Variants in ARHGAP35 observed in about 807,000 individuals in gnomAD.
The protein encoded by ARHGAP35 is Rho GTPase activating protein 35, also known as rho GTPase-activating protein 35.
In ARHGAP35, 15 loss-of-function variants were observed where a neutral mutation model predicts 111.1. The observed-to-expected ratio is 0.13, with a 90% CI of 0.09 to 0.21. ARHGAP35 has a LOEUF of 0.21. Ranked by LOEUF, ARHGAP35 falls within the 10% of genes least tolerant of loss-of-function variation. The probability of loss-of-function intolerance (pLI) is 1.00; values close to 1 mark genes in which losing one functional copy is unlikely to be tolerated. For synonymous variants in ARHGAP35, 643 were observed against 710.3 expected (o/e 0.91, Z 1.51); for missense variants, 1,262 against 1,873.0 (o/e 0.67, Z 6.02).
At chr19:46,861,294 G>T (rs1041638188) in intron 1 of ARHGAP35, among the ~76,000 whole-genome samples, 85 bp downstream of exon 1, 2 of 150,686 alleles carry the variant, frequency 1.3e-5, no homozygotes, top group African/African-American at 4.9e-5. Context: ...GGACGGCGGG[G>T]CCCGGAGCCC....
intron 1 of ARHGAP35, among the ~76,000 whole-genome samples, chr19:46,871,569 C>T (rs1320224846): frequency 6.6e-6 from 1 of 151,928 alleles, no homozygotes; most frequent in Admixed American, 6.6e-5. Flanking sequence ...TCTTGAACTC[C>T]TGACCTCATG....
intron 2 of ARHGAP35, 48 bp from the exon 3 acceptor site, chr19:46,937,216 G>A (rs775375244): frequency 2.3e-5 from 37 of 1,609,112 alleles, no homozygotes; most frequent in Non-Finnish European, 2.9e-5. Context: ...TAAGTTACAT[G>A]TTGATACTCA....
chr19:46,926,974 G>A lies in ARHGAP35; in HGVS notation c.3681+4618G>A, dbSNP rs182609754. 3.3e-5 allele frequency among the ~76,000 whole-genome samples: 5 copies of A among 152,320 alleles called. No homozygotes were observed. The highest frequency in any genetic ancestry group is 1.9e-4 in the East Asian group (1 of 5,186). On this transcript the variant is annotated intron_variant, in intron 2 of 6. Coordinates refer to ENST00000672722, the MANE Select transcript of ARHGAP35 (RefSeq NM_004491.5). This position sits in a 1 kb window ranked among gnomAD's most constrained non-coding sequence, Gnocchi z 4.1. ...GAGTTTTGACAGACAAGCTGAATGCGATGAAATATGAGCTCTTTGTAACCT... is the reference window on the plus strand; with the variant it reads ...GAGTTTTGACAGACAAGCTGAATGCAATGAAATATGAGCTCTTTGTAACCT...
intron 3 of ARHGAP35, among the ~76,000 whole-genome samples, chr19:46,939,413 A>AT (rs2056331753): frequency 6.9e-6 from 1 of 144,518 alleles, no homozygotes; most frequent in African/African-American, 2.6e-5. Flanking sequence ...TTATTTATTT[A>AT]TTATTTAATT....
intron 1 of ARHGAP35, among the ~76,000 whole-genome samples, chr19:46,879,281 C>T (rs1599795630): frequency 6.6e-6 from 1 of 151,884 alleles, no homozygotes; most frequent in East Asian, 1.9e-4. Context: ...ATGGAGAAAC[C>T]GTGTCTCTAC....
intron 1 of ARHGAP35, among the ~76,000 whole-genome samples, chr19:46,863,462 T>C (rs1262825688): frequency 2.0e-5 from 3 of 152,212 alleles, no homozygotes; most frequent in Non-Finnish European, 2.9e-5. Context: ...TTTCCTCTGC[T>C]GTTTGCTCTC....
chr19:46,958,363 C>T (rs887836591), intron 3 of ARHGAP35, among the ~76,000 whole-genome samples: 5 of 145,696 alleles, frequency 3.4e-5, no homozygotes, highest in African/African-American at 1.3e-4. Flanking sequence ...CCAGCCTGGG[C>T]GACAGAGCAA....
In ARHGAP35 at chr19:47,004,760, A is replaced by G. The variant is rs1361846119; in HGVS notation, c.*4072A>G. On this transcript the variant is annotated 3_prime_UTR_variant, in exon 7 of 7. Transcript: ENST00000672722. ...GTGAAGACCTGTATGTAAAGAAAGT[A>G]TAACAATTATTTCTTTGTATTTTAG... 6.6e-6 allele frequency: 1 copy of G among 152,512 alleles called. No homozygotes were observed. Among genetic ancestry groups the G allele is most frequent in the East Asian group, 1.9e-4 (1 of 5,206 alleles). 9.4% of individuals were successfully genotyped at this position (152,512 alleles called of 1,614,324 possible). A position where few individuals can be genotyped will look rare whatever the true frequency, so the allele number is the denominator to read the frequency against.
Position 46,919,876 on chromosome 19 carries a change from C to T in ARHGAP35, c.1201C>T (p.Arg401Trp), listed in dbSNP as rs544976512. 14 of 1,614,000 alleles carry T rather than the reference C, an allele frequency of 8.7e-6. No homozygotes were observed. Among genetic ancestry groups the T allele is most frequent in the Non-Finnish European group, 1.1e-5 (13 of 1,179,884 alleles). ...TSHIDNMENE[R>W]IPFDLMDTVP... The stretch of plus-strand genomic sequence containing the variant: ...TCACATTGACAACATGGAAAACGAA[C>T]GGATTCCCTTTGATTTAATGGATAC... The change falls in exon 2 of 7, where the codon CGG becomes TGG. Residue 401 changes from arginine (R) to tryptophan (W), a missense_variant. By Grantham distance (101) the Arg-to-Trp change is moderately radical. Transcript: ENST00000672722. The surrounding 1 kb of genome is among the most constrained non-coding windows in gnomAD (Gnocchi z 6.2).
intron 3 of ARHGAP35, among the ~76,000 whole-genome samples, chr19:46,985,376 G>A (rs2122330451): frequency 6.6e-6 from 1 of 152,262 alleles, no homozygotes; most frequent in South Asian, 2.1e-4. Flanking sequence ...GGGGTGCTGT[G>A]GTCTGTACCC....
At chr19:46,879,763 G>GATGAGGCAAGACAAT (rs1210185449) in intron 1 of ARHGAP35, among the ~76,000 whole-genome samples, 5 of 149,780 alleles carry the variant, frequency 3.3e-5, no homozygotes, top group Middle Eastern at 3.4e-3. Context: ...CAGCCTGGGT[G>GATGAGGCAAGACAAT]GCAGAACTAG....
chr19:46,864,451 CT>C (rs1371226004), intron 1 of ARHGAP35, among the ~76,000 whole-genome samples: 4 of 152,172 alleles, frequency 2.6e-5, no homozygotes, highest in Non-Finnish European at 4.4e-5. Flanking sequence ...AGCCATCCAA[CT>C]GTGAAGGAGC....
In ARHGAP35 at chr19:46,920,354, C is replaced by T. The variant is rs2122196296; in HGVS notation, c.1679C>T (p.Pro560Leu). ...TACCACCCAACAAAGGAGACATGCC[C>T]CAGCTGCCCAGCTTGTGTGGACGCT... Reference protein sequence around the residue: ...FVYHPTKETCPSCPACVDAKI... With the variant: ...FVYHPTKETCLSCPACVDAKI... Residue 560 changes from proline to leucine, a missense_variant, in exon 2 of 7, where the codon CCC becomes CTC. By Grantham distance (98) the Pro-to-Leu change is moderately conservative. Around this residue, in one of 8 missense-constraint regions of ARHGAP35, gnomAD observed 328 missense variants for 440.8 expected, o/e 0.74. Transcript: ENST00000672722. The surrounding 1 kb of genome is among the most constrained non-coding windows in gnomAD (Gnocchi z 7.0). The T allele has an allele frequency of 5.6e-6, 9 of 1,613,930 alleles. No individual in the cohort carries two copies. Among genetic ancestry groups the T allele is most frequent in the Non-Finnish European group, 7.6e-6 (9 of 1,179,886 alleles).
At chr19:46,939,840 T>C (rs1211439036) in intron 3 of ARHGAP35, among the ~76,000 whole-genome samples, 1 of 152,164 alleles carries the variant, frequency 6.6e-6, no homozygotes, top group African/African-American at 2.4e-5. Flanking sequence ...ATCTAATCTA[T>C]AGACATTCTC....
At chr19:46,995,698 G>A (rs1721911579) in intron 5 of ARHGAP35, among the ~76,000 whole-genome samples, 1 of 152,240 alleles carries the variant, frequency 6.6e-6, no homozygotes, top group East Asian at 1.9e-4. Flanking sequence ...GCACTGTGAA[G>A]CTGTCCTGCC....
At chr19:46,961,803 A>G (rs1300174783) in intron 3 of ARHGAP35, among the ~76,000 whole-genome samples, 1 of 152,026 alleles carries the variant, frequency 6.6e-6, no homozygotes, top group Non-Finnish European at 1.5e-5. Context: ...GGTGGCGCAC[A>G]CCTGTAGTCC....
chr19:46,951,615 G>T lies in ARHGAP35; in HGVS notation c.3826+14207G>T, dbSNP rs78603478. The stretch of plus-strand genomic sequence containing the variant: ...ATGATGGTACTTTGAGTCATGAGAT[G>T]ATTCAGTATGTTAGAGACCTCATAA... On this transcript the variant is annotated intron_variant, in intron 3 of 6. Coordinates refer to ENST00000672722, the MANE Select transcript of ARHGAP35 (RefSeq NM_004491.5). Among the ~76,000 whole-genome samples, 774 of 152,298 alleles carry T rather than the reference G, an allele frequency of 5.1e-3. 9 individuals carry two copies. The highest frequency in any genetic ancestry group is 0.018 in the African/African-American group (760 of 41,552).
chr19:46,961,187 G>A lies in ARHGAP35; in HGVS notation c.3826+23779G>A, dbSNP rs532376075. 2.6e-5 allele frequency among the ~76,000 whole-genome samples: 4 copies of A among 152,164 alleles called. No homozygotes were observed. In the South Asian group the frequency reaches 6.2e-4, roughly 24 times the overall value. On this transcript the variant is annotated intron_variant, in intron 3 of 6. Coordinates refer to ENST00000672722, the MANE Select transcript of ARHGAP35 (RefSeq NM_004491.5). Reference sequence around the variant, plus strand: ...TGGGATTACAGGCATGAGCTGCCGCGCCCAGCCAACTGTATAATAATTTGT... The same window carrying A: ...TGGGATTACAGGCATGAGCTGCCGCACCCAGCCAACTGTATAATAATTTGT...
At position 46,918,517 on chromosome 19, in the gene ARHGAP35, G is replaced by T. The variant is rs1030137809; in HGVS notation, c.-159G>T. On this transcript the variant is annotated 5_prime_UTR_variant, in exon 2 of 7. The change creates a new upstream start codon in the 5' untranslated region. Coordinates refer to ENST00000672722, the MANE Select transcript of ARHGAP35 (RefSeq NM_004491.5). This position sits in a 1 kb window ranked among gnomAD's most constrained non-coding sequence, Gnocchi z 5.4. ...AAATGTTGGCTATTTGGCGATGAGA[G>T]GTGGTGAACAGTGACCATACTGGTA... Among the ~76,000 whole-genome samples, 7 of 152,082 alleles carry T rather than the reference G, an allele frequency of 4.6e-5. No individual in the cohort carries two copies. Among genetic ancestry groups the T allele is most frequent in the African/African-American group, 1.7e-4 (7 of 41,390 alleles).
Sources: allele counts gnomAD v4.1 joint callset (sites outside exome capture counted in the v4.1 genomes callset), GRCh38; gene constraint gnomAD v4.1.1; regional missense constraint gnomAD v4.1.1; non-coding constraint Gnocchi (gnomAD v3.1); transcripts MANE v1.5; gene names NCBI Gene and HGNC (gene_info 2026-07-23, HGNC 2026-07-21).